Variants in SBF2 observed in about 807,000 individuals in gnomAD.
SBF2 encodes SET binding factor 2.
Under a neutral mutation model 225.2 loss-of-function variants are expected in SBF2, and 112 were observed. The ratio of observed to expected loss-of-function variants is 0.50; its 90% CI spans 0.43 to 0.58. SBF2 has a LOEUF of 0.58. SBF2 is among the 20% of genes least tolerant of loss of function. SBF2 has a pLI of 0.00. For synonymous variants in SBF2, 763 were observed against 773.3 expected, an observed-to-expected ratio of 0.99 and a Z score of 0.22; for missense variants, 1,996 against 2,206.2, an observed-to-expected ratio of 0.90 and a Z score of 1.91.
At chr11:9,847,916 T>C (rs936374014) in intron 22 of SBF2, among the ~76,000 whole-genome samples, 2 of 152,170 alleles carry the variant, frequency 1.3e-5, no homozygotes, top group Admixed American at 6.6e-5. Flanking sequence ...GAAGGATCTC[T>C]GCATGCTAGC....
intron 2 of SBF2, among the ~76,000 whole-genome samples, chr11:10,189,168 T>G (rs1957062279): frequency 6.6e-6 from 1 of 152,248 alleles, no homozygotes. Flanking sequence ...TATCTGCCTA[T>G]CTTTATTCTA....
At chr11:9,946,239 A>G (rs1423623335) in intron 16 of SBF2, among the ~76,000 whole-genome samples, 1 of 152,216 alleles carries the variant, frequency 6.6e-6, no homozygotes, top group African/African-American at 2.4e-5. Context: ...ACACCATGGA[A>G]TACTAAGCAG....
At chr11:9,829,540 T>A (rs983441452) in intron 27 of SBF2, 44 bp from the exon 28 acceptor site, 22 of 1,490,078 alleles carry the variant, frequency 1.5e-5, no homozygotes, top group Non-Finnish European at 2.1e-5. Context: ...TGTCTCTGTG[T>A]TAACAAAACA....
intron 17 of SBF2, among the ~76,000 whole-genome samples, chr11:9,882,588 C>T (rs1390650415): frequency 6.6e-6 from 1 of 152,072 alleles, no homozygotes; most frequent in Non-Finnish European, 1.5e-5. Flanking sequence ...GCGGGCGGAT[C>T]ACAAAGTCAG....
intron 17 of SBF2, among the ~76,000 whole-genome samples, chr11:9,872,669 C>T (rs991445514): frequency 3.3e-5 from 5 of 151,166 alleles, no homozygotes; most frequent in Non-Finnish European, 7.4e-5. Flanking sequence ...ATCGGAGGAA[C>T]TGGAACTCTC....
intron 17 of SBF2, among the ~76,000 whole-genome samples, chr11:9,889,466 A>T (rs972706215): frequency 2.6e-5 from 4 of 152,232 alleles, no homozygotes; most frequent in African/African-American, 9.6e-5. Context: ...CAATAAAGAA[A>T]TTAAATAACT....
In SBF2 at chr11:9,961,998, G is replaced by A. The variant is rs1007994071; in HGVS notation, c.1819C>T (p.Gln607Ter). ...QQNRAILDHQQFDYIIRMMNC... is the reference protein window; with the variant it reads ...QQNRAILDHQ ...ATCATCCTTATTATGTAGTCAAACT[G>A]TTGATGGTCTAATATTGCCCGGTTT... The change falls in exon 16 of 40, where the codon CAG (glutamine) becomes TAG (stop). Residue 607 changes from glutamine to a stop codon, truncating the protein, a stop_gained. Coordinates refer to ENST00000256190, the MANE Select transcript of SBF2 (RefSeq NM_030962.4). LOFTEE classifies it high-confidence loss of function. The A allele has an allele frequency of 6.2e-7, 1 of 1,613,860 alleles. No homozygotes were observed. The highest frequency in any genetic ancestry group is 1.3e-5 in the African/African-American group (1 of 74,930).
At chr11:10,298,388 G>A (rs544663685), upstream of SBF2, among the ~76,000 whole-genome samples, 13 of 152,254 alleles carry the variant, frequency 8.5e-5, no homozygotes, top group South Asian at 6.2e-4. Context: ...TGAAACTCCC[G>A]TTCAAAAAAT....
intron 16 of SBF2, among the ~76,000 whole-genome samples, chr11:9,933,152 C>A (rs533297638): frequency 6.6e-6 from 1 of 152,222 alleles, no homozygotes; most frequent in Non-Finnish European, 1.5e-5. Flanking sequence ...CACCCAGATT[C>A]ATAAAGCAAG....
At chr11:10,254,336 G>A (rs1054154768) in intron 1 of SBF2, among the ~76,000 whole-genome samples, 1 of 151,456 alleles carries the variant, frequency 6.6e-6, no homozygotes, top group Non-Finnish European at 1.5e-5. Context: ...CGAGACTGCA[G>A]TGACAGTGCA....
chr11:9,909,442 C>G (rs548595563), intron 16 of SBF2, among the ~76,000 whole-genome samples: 92 of 152,006 alleles, frequency 6.1e-4, no homozygotes, highest in African/African-American at 2.1e-3. Flanking sequence ...GAGGCCGAGG[C>G]GGGTGGATCA....
chr11:10,178,394 G>C (rs1399199187), intron 2 of SBF2, among the ~76,000 whole-genome samples: 2 of 143,090 alleles, frequency 1.4e-5, no homozygotes, highest in African/African-American at 5.3e-5. Flanking sequence ...ACTACCATCA[G>C]AGTGAACAGG....
At chr11:10,041,320 G>A (rs1949646477) in intron 3 of SBF2, among the ~76,000 whole-genome samples, 1 of 152,100 alleles carries the variant, frequency 6.6e-6, no homozygotes, top group African/African-American at 2.4e-5. Flanking sequence ...CATTATCCAG[G>A]GGAGAGGAGA....
intron 1 of SBF2, among the ~76,000 whole-genome samples, chr11:10,217,707 A>C (rs776701165): frequency 2.6e-5 from 4 of 152,130 alleles, no homozygotes; most frequent in Non-Finnish European, 5.9e-5. Flanking sequence ...AGCCTTAGAG[A>C]GGTATTACTC....
intron 1 of SBF2, among the ~76,000 whole-genome samples, chr11:10,254,885 AGTGAGACTCTGTCTC>A (rs546234679): frequency 4.7e-4 from 55 of 116,210 alleles, no homozygotes; most frequent in South Asian, 1.2e-3. Context: ...TGGGTGACAG[AGTGAGACTCTGTCTC>A]AAAAAAAAAA....
At chr11:10,233,671 T>G (rs886311714) in intron 1 of SBF2, among the ~76,000 whole-genome samples, 5 of 151,664 alleles carry the variant, frequency 3.3e-5, no homozygotes, top group African/African-American at 1.2e-4. Context: ...CACTCAGATC[T>G]CCTTTCAAGA....
At chr11:9,854,083 CA>C (rs1387165511) in intron 19 of SBF2, among the ~76,000 whole-genome samples, 1 of 152,140 alleles carries the variant, frequency 6.6e-6, no homozygotes, top group Non-Finnish European at 1.5e-5. Flanking sequence ...CCTGTCCTCC[CA>C]AGTTAATTAT....
chr11:9,978,339 C>G (rs7120403), intron 13 of SBF2, among the ~76,000 whole-genome samples: 1 of 152,060 alleles, frequency 6.6e-6, no homozygotes, highest in Non-Finnish European at 1.5e-5. Flanking sequence ...TCCACTGGGA[C>G]AGTCACAAAT....
chr11:10,001,113 C>A (rs1182127342), intron 7 of SBF2, 91 bp from the exon 8 acceptor site: 6 of 716,320 alleles, frequency 8.4e-6, no homozygotes, highest in Non-Finnish European at 1.2e-5. Context: ...TTTTATATTA[C>A]CTATGTTTAG....
Sources: allele counts gnomAD v4.1 joint callset (sites outside exome capture counted in the v4.1 genomes callset), GRCh38; gene constraint gnomAD v4.1.1; transcripts MANE v1.5; gene names NCBI Gene and HGNC (gene_info 2026-07-23, HGNC 2026-07-21).